SH3D21: variants seen among roughly 807,000 people sequenced by gnomAD.
SH3D21 encodes manchette microtubule inner protein 1, also known as SH3 domain-containing protein 21.
In SH3D21, 83 loss-of-function variants were observed where a neutral mutation model predicts 82.1. That is an observed-to-expected ratio of 1.01 (90% confidence interval 0.85 to 1.21). The LOEUF (loss-of-function observed/expected upper bound fraction) is 1.21. SH3D21 is among the 50% of genes most tolerant of loss of function. The pLI is 0.00. For synonymous variants in SH3D21, 383 were observed against 387.8 expected, an observed-to-expected ratio of 0.99 and a Z score of 0.15; for missense variants, 980 against 962.1, an observed-to-expected ratio of 1.02 and a Z score of -0.25.
At chr1:36,309,194 AT>A (rs762272484) in intron 9 of SH3D21, among the ~76,000 whole-genome samples, 1,718 of 141,352 alleles carry the variant, frequency 0.012, 13 homozygotes, top group South Asian at 0.023. Context: ...AGCATTTTAG[AT>A]TTTTTTTTTT....
intron 10 of SH3D21, among the ~76,000 whole-genome samples, chr1:36,316,959 G>A (rs1177202597): frequency 6.6e-6 from 1 of 152,080 alleles, no homozygotes; most frequent in Non-Finnish European, 1.5e-5. Flanking sequence ...ACAGGTGTGA[G>A]CCACTGCACC....
intron 10 of SH3D21, among the ~76,000 whole-genome samples, chr1:36,311,807 C>T (rs1646246697): frequency 6.6e-6 from 1 of 151,870 alleles, no homozygotes; most frequent in Non-Finnish European, 1.5e-5. Context: ...GATTCTTTCA[C>T]CTCAGCCTCT....
chr1:36,320,766 G>A lies in SH3D21; in HGVS notation c.2103G>A (p.Arg701=), dbSNP rs572277160. The A allele has an allele frequency of 2.5e-6, 4 of 1,584,590 alleles. No homozygotes were observed. The highest frequency in any genetic ancestry group is 4.6e-5 in the East Asian group (2 of 43,212). The change falls in exon 14 of 16, where the codon AGG becomes AGA. Residue 701 remains arginine (R), a synonymous_variant. Transcript: ENST00000453908. ...TGAGGGGCGAGGTGGAGTCTCTAAGGAGGGCGCTGGAGCTGATGGAGGTGC... is the reference window on the plus strand; with the variant it reads ...TGAGGGGCGAGGTGGAGTCTCTAAGAAGGGCGCTGGAGCTGATGGAGGTGC... ...TSLRGEVESL[R]RALELMEVQL... is the part of the protein sequence containing the mutation.
In SH3D21 at chr1:36,307,410, G is replaced by C. The variant is rs1646150673; in HGVS notation, c.346-107G>C. On this transcript the variant is annotated intron_variant, in intron 4 of 15. Coordinates refer to ENST00000453908, the MANE Select transcript of SH3D21 (RefSeq NM_001162530.2). The surrounding 1 kb of genome is among the most constrained non-coding windows in gnomAD (Gnocchi z 5.4). ...ACGGTGCAGATACGGGGAAGCGCGG[G>C]AGGGAAGGAGGGAGGAAGGGGCGCT... 5.3e-6 allele frequency: 8 copies of C among 1,501,368 alleles called. No individual in the cohort carries two copies. The South Asian group carries it at 1.0e-4, about 19-fold the overall frequency. 93.0% of individuals were successfully genotyped at this position (1,501,368 alleles called of 1,614,324 possible). A position where few individuals can be genotyped will look rare whatever the true frequency, so the allele number is the denominator to read the frequency against.
At chr1:36,321,942 G>T, downstream of SH3D21, 1 of 1,124,052 alleles carries the variant, frequency 8.9e-7, no homozygotes, top group Non-Finnish European at 1.1e-6. This position sits in a 1 kb window ranked among gnomAD's most constrained non-coding sequence, Gnocchi z 6.1. Context: ...TAGGGTAAGG[G>T]AGTCAAGCTG....
In SH3D21 at chr1:36,320,505, G is replaced by A; in HGVS notation, c.1842G>A (p.Glu614=). ...APPNEQRPLR[E]EVLPKEGVAS... Reference sequence around the variant, plus strand: ...CCAACGAGCAGAGGCCTCTGAGAGAGGAGGTGCTCCCCAAAGAGGGAGTGG... The same window carrying A: ...CCAACGAGCAGAGGCCTCTGAGAGAAGAGGTGCTCCCCAAAGAGGGAGTGG... Residue 614 remains glutamate, a synonymous_variant, in exon 14 of 16, where the codon GAG becomes GAA. Coordinates refer to ENST00000453908, the MANE Select transcript of SH3D21 (RefSeq NM_001162530.2). 1 of 1,614,150 alleles carries A rather than the reference G, an allele frequency of 6.2e-7. No homozygotes were observed. Among genetic ancestry groups the A allele is most frequent in the Admixed American group, 1.7e-5 (1 of 60,010 alleles).
downstream of SH3D21, among the ~76,000 whole-genome samples, chr1:36,329,968 G>A (rs891888576): frequency 1.3e-5 from 2 of 152,066 alleles, no homozygotes; most frequent in African/African-American, 2.4e-5. Flanking sequence ...CCCCACTGCC[G>A]CCCTGCACTG....
chr1:36,326,360 T>G (rs1646545441), downstream of SH3D21, among the ~76,000 whole-genome samples: 1 of 151,902 alleles, frequency 6.6e-6, no homozygotes, highest in South Asian at 2.1e-4. Flanking sequence ...GCCTCCCGAG[T>G]AGCTGGGATT....
At chr1:36,326,849 C>T (rs1268824477), downstream of SH3D21, among the ~76,000 whole-genome samples, 2 of 152,110 alleles carry the variant, frequency 1.3e-5, no homozygotes, top group Non-Finnish European at 2.9e-5. Context: ...GAGGAAAGCC[C>T]ATGTGGGGAA....
intron 10 of SH3D21, among the ~76,000 whole-genome samples, chr1:36,315,046 G>A (rs144531520): frequency 1.3e-5 from 2 of 151,964 alleles, no homozygotes; most frequent in Non-Finnish European, 2.9e-5. Flanking sequence ...AGGCTGAGGC[G>A]GGCAGATTGC....
Position 36,319,251 on chromosome 1 carries a change from A to T in SH3D21, c.864-9A>T. On this transcript the variant is annotated splice_polypyrimidine_tract_variant and intron_variant, in intron 11 of 15. Transcript: ENST00000453908. ...CCCACCCTGAGGGCCTGATGAAGATATGTTCCAGGACATCTCGGACACCCA... is the reference window on the plus strand; with the variant it reads ...CCCACCCTGAGGGCCTGATGAAGATTTGTTCCAGGACATCTCGGACACCCA... 6.4e-7 allele frequency: 1 copy of T among 1,551,632 alleles called. No homozygotes were observed. The highest frequency in any genetic ancestry group is 8.7e-7 in the Non-Finnish European group (1 of 1,146,980).
At position 36,307,046 on chromosome 1, in the gene SH3D21, GC is replaced by G. The variant is rs1646139805; in HGVS notation, c.227-120del. 6.8e-7 allele frequency: 1 copy of G among 1,472,282 alleles called. No individual in the cohort carries two copies. Among genetic ancestry groups the G allele is most frequent in the Non-Finnish European group, 9.0e-7 (1 of 1,107,978 alleles). 91.2% of individuals were successfully genotyped at this position (1,472,282 alleles called of 1,614,324 possible). ...TGCGGTCTGTGATTGGTTCTCGAGT[GC>G]AATGCTCCGCCCTGGGGCGGGGCTG... On this transcript the variant is annotated intron_variant, in intron 3 of 15. Transcript: ENST00000453908. The surrounding 1 kb of genome is among the most constrained non-coding windows in gnomAD (Gnocchi z 5.4).
At chr1:36,325,611 C>T (rs1376340901), downstream of SH3D21, among the ~76,000 whole-genome samples, 1 of 152,140 alleles carries the variant, frequency 6.6e-6, no homozygotes, top group Non-Finnish European at 1.5e-5. Context: ...GTGGCGCGAT[C>T]TCGGCTCACT....
chr1:36,318,898 AAAT>A (rs58567392), intron 10 of SH3D21, among the ~76,000 whole-genome samples, 170 bp from the exon 11 acceptor site: 5,312 of 140,314 alleles, frequency 0.038, 123 homozygotes, highest in Middle Eastern at 0.079. Flanking sequence ...ACTCCATCTC[AAAT>A]AATAATAATA....
chr1:36,328,124 A>G (rs1392458124), downstream of SH3D21: 1 of 457,134 alleles, frequency 2.2e-6, no homozygotes, highest in Non-Finnish European at 4.4e-6. Context: ...GAGATTTGTC[A>G]CCTTGGAAAG....
At chr1:36,314,948 A>G (rs1570391006) in intron 10 of SH3D21, among the ~76,000 whole-genome samples, 1 of 152,248 alleles carries the variant, frequency 6.6e-6, no homozygotes, top group Admixed American at 6.5e-5. Flanking sequence ...CATGTGGACC[A>G]AGCTGAGGGG....
chr1:36,323,903 A>G (rs999369353), downstream of SH3D21: 19 of 152,282 alleles, frequency 1.2e-4, no homozygotes, highest in African/African-American at 4.6e-4. Flanking sequence ...TCCGCCTGAC[A>G]ACCCTGCGAC....
downstream of SH3D21, chr1:36,328,559 C>A: frequency 5.0e-6 from 1 of 199,748 alleles, no homozygotes. Context: ...TCACTGAAGT[C>A]CAGGAGTTTG....
chr1:36,321,693 G>C (rs10796881), downstream of SH3D21: 1 of 1,011,116 alleles, frequency 9.9e-7, no homozygotes, highest in Non-Finnish European at 1.2e-6. This position sits in a 1 kb window ranked among gnomAD's most constrained non-coding sequence, Gnocchi z 6.1. Context: ...CGAGGTCAGG[G>C]TCCTGAGGCC....
Sources: gnomAD v4.1 joint callset for allele counts (sites outside exome capture counted in the v4.1 genomes callset) on GRCh38, gnomAD v4.1.1 for gene constraint, Gnocchi (gnomAD v3.1) non-coding constraint, MANE v1.5 for transcripts, NCBI Gene and HGNC (gene_info 2026-07-23, HGNC 2026-07-21) for gene names.